RBBP8NL: variants seen among roughly 807,000 people sequenced by gnomAD.
The protein encoded by RBBP8NL is RBBP8 N-terminal-like protein.
A neutral mutation model predicts 62.2 loss-of-function variants in RBBP8NL; 59 were observed. That is an observed-to-expected ratio of 0.95 (90% CI 0.77 to 1.18). The LOEUF (loss-of-function observed/expected upper bound fraction) is 1.18. Among genes scored for constraint, RBBP8NL ranks in the 50% most tolerant of loss-of-function variants. The probability of loss-of-function intolerance (pLI) is 0.00; values close to 1 mark genes in which losing one functional copy is unlikely to be tolerated. For synonymous variants in RBBP8NL, 412 were observed against 394.1 expected (o/e 1.05, Z -0.54); for missense variants, 896 against 899.5 (o/e 1.00, Z 0.05).
intron 5 of RBBP8NL, 44 bp from the exon 6 acceptor site, chr20:62,416,280 G>GC: frequency 1.7e-6 from 1 of 602,860 alleles, no homozygotes; most frequent in South Asian, 1.5e-5. Context: ...GGTTGGGGGG[G>GC]ACAGGGGCAG....
Position 62,417,243 on chromosome 20 carries a change from G to A in RBBP8NL, c.181C>T (p.Leu61=). The A allele has an allele frequency of 6.2e-7, 1 of 1,605,218 alleles. No individual in the cohort carries two copies. Among genetic ancestry groups the A allele is most frequent in the Admixed American group, 1.7e-5 (1 of 58,932 alleles). The change falls in exon 4 of 14, where the codon CTG becomes TTG. Residue 61 remains leucine (L), a synonymous_variant. Transcript: ENST00000252998. ...GCCCACCTGTTCTCCAGCACCCGCA[G>A]GTTCTCCTTCAGTGTCTTCTGCTGT... ...REQQKTLKEN[L]RVLENRLRAG...
At chr20:62,412,588 G>A (rs769639711) in intron 13 of RBBP8NL, 36 bp downstream of exon 13, 32 of 1,592,986 alleles carry the variant, frequency 2.0e-5, no homozygotes, top group South Asian at 4.4e-5. Context: ...GGCTCCCCTC[G>A]CCCCCTTCCC....
chr20:62,416,294 T>TGGGGGGGGGGGGGGGGGGGGGGGG, intron 5 of RBBP8NL, 58 bp from the exon 6 acceptor site: 2 of 515,302 alleles, frequency 3.9e-6, no homozygotes, highest in East Asian at 4.7e-5. Flanking sequence ...GGGGCAGGGG[T>TGGGGGGGGGGGGGGGGGGGGGGGG]GGGGTCGTCA....
chr20:62,417,053 T>C (rs1213932188), intron 4 of RBBP8NL, among the ~76,000 whole-genome samples, 171 bp downstream of exon 4: 1 of 152,084 alleles, frequency 6.6e-6, no homozygotes, highest in East Asian at 1.9e-4. Context: ...TGGGGAGAAA[T>C]CTTGAAAATG....
chr20:62,417,011 C>G lies in RBBP8NL; in HGVS notation c.201-139G>C, dbSNP rs942131024. On this transcript the variant is annotated intron_variant, in intron 4 of 13. Transcript: ENST00000252998. ...TAGAGCCCCAGGCCTCTTCCCACCC[C>G]GTGGGCTAGGTGTCCCATGTTCCAC... is the stretch of plus-strand genomic sequence containing the variant. The G allele has an allele frequency of 6.6e-6, 5 of 755,540 alleles. No homozygotes were observed. In the African/African-American group the frequency reaches 8.8e-5, roughly 13 times the overall value. 46.8% of individuals were successfully genotyped at this position (755,540 alleles called of 1,614,324 possible).
intron 1 of RBBP8NL, among the ~76,000 whole-genome samples, chr20:62,427,017 C>CTGTG (rs1336746909): frequency 2.0e-5 from 3 of 152,234 alleles, no homozygotes; most frequent in African/African-American, 7.2e-5. Flanking sequence ...GCAGAGGAGT[C>CTGTG]CCCTGCTCAG....
Position 62,414,460 on chromosome 20 carries a change from G to T in RBBP8NL, c.891C>A (p.Ser297=). 6.7e-7 allele frequency: 1 copy of T among 1,490,488 alleles called. No individual in the cohort carries two copies. The highest frequency in any genetic ancestry group is 9.0e-7 in the Non-Finnish European group (1 of 1,116,602). The allele number at this position is 1,490,488 out of a possible 1,614,324, so 92.3% of individuals were successfully genotyped here. ...TGCTGTGGGGGCTCTGAAGGTGCAGGGACAGGGGGCGGTTTAGGAGGCAGA... is the reference window on the plus strand; with the variant it reads ...TGCTGTGGGGGCTCTGAAGGTGCAGTGACAGGGGGCGGTTTAGGAGGCAGA... ...DRLCLLNRPL[S]LHLQSPHSSP... is the part of the protein sequence containing the mutation. The change falls in exon 10 of 14, where the codon TCC becomes TCA. Residue 297 remains serine, a synonymous_variant. Coordinates refer to ENST00000252998, the MANE Select transcript of RBBP8NL (RefSeq NM_080833.3).
chr20:62,417,169 C>G (rs922484128), intron 4 of RBBP8NL, 55 bp downstream of exon 4: 15 of 1,378,752 alleles, frequency 1.1e-5, no homozygotes, highest in Non-Finnish European at 1.4e-5. Context: ...GTCACCTCCT[C>G]CTCTCCTGAG....
chr20:62,416,293 G>GGGC, intron 5 of RBBP8NL, 57 bp from the exon 6 acceptor site: 14 of 701,018 alleles, frequency 2.0e-5, no homozygotes, highest in East Asian at 3.0e-5. Context: ...AGGGGCAGGG[G>GGGC]TGGGGTCGTC....
At chr20:62,416,382 C>G (rs1317878861) in intron 5 of RBBP8NL, 146 bp from the exon 6 acceptor site, 9 of 720,794 alleles carry the variant, frequency 1.2e-5, no homozygotes, top group Middle Eastern at 3.7e-4. Context: ...GCCGTGGATG[C>G]TGGCTGCGTG....
At chr20:62,412,783 G>A (rs763033578) in intron 12 of RBBP8NL, 30 bp from the exon 13 acceptor site, 11 of 1,613,068 alleles carry the variant, frequency 6.8e-6, no homozygotes, top group African/African-American at 1.3e-5. Flanking sequence ...GTCACGAGGA[G>A]GACTGCCTCC....
chr20:62,419,534 G>C (rs1251689586), intron 2 of RBBP8NL, 53 bp downstream of exon 2: 2 of 1,578,384 alleles, frequency 1.3e-6, no homozygotes, highest in African/African-American at 2.7e-5. Flanking sequence ...CGACCCTTAG[G>C]TGAGGGCTGT....
chr20:62,418,496 A>T, intron 2 of RBBP8NL, 31 bp from the exon 3 acceptor site: 1 of 1,539,102 alleles, frequency 6.5e-7, no homozygotes, highest in Non-Finnish European at 8.8e-7. Context: ...GCGGGGGGTC[A>T]GGCCCAGCTG....
chr20:62,425,171 G>A (rs1988779866), intron 1 of RBBP8NL, among the ~76,000 whole-genome samples: 1 of 152,186 alleles, frequency 6.6e-6, no homozygotes, highest in Admixed American at 6.5e-5. Flanking sequence ...GTAGACAGGA[G>A]CGCTCAGTGA....
Position 62,410,725 on chromosome 20 carries a change from C to T in RBBP8NL, c.*153G>A. The T allele has an allele frequency of 1.5e-6, 1 of 665,872 alleles. No individual in the cohort carries two copies. The highest frequency in any genetic ancestry group is 2.7e-6 in the Non-Finnish European group (1 of 375,774). The allele number at this position is 665,872 out of a possible 1,614,324, so 41.2% of individuals were successfully genotyped here. On this transcript the variant is annotated 3_prime_UTR_variant, in exon 14 of 14. Coordinates refer to ENST00000252998, the MANE Select transcript of RBBP8NL (RefSeq NM_080833.3). ...TGTGGTGAGCAGGCAGAGAGCTGCC[C>T]TGGGCTCACTGTGGGTTCAGCTGAG... is the stretch of plus-strand genomic sequence containing the variant.
intron 13 of RBBP8NL, among the ~76,000 whole-genome samples, chr20:62,412,355 G>GC (rs1363836716): frequency 2.0e-5 from 3 of 152,172 alleles, no homozygotes; most frequent in Non-Finnish European, 4.4e-5. Flanking sequence ...CCTAATGTCA[G>GC]CCCCCTTACA....
chr20:62,414,120 G>T lies in RBBP8NL; in HGVS notation c.1231C>A (p.Leu411Met), dbSNP rs1474302596. 2 of 1,595,634 alleles carry T rather than the reference G, an allele frequency of 1.3e-6. No homozygotes were observed. Among genetic ancestry groups the T allele is most frequent in the Non-Finnish European group, 1.7e-6 (2 of 1,173,206 alleles). Residue 411 changes from leucine (L) to methionine (M), a missense_variant, in exon 10 of 14, where the codon CTG becomes ATG. Coordinates refer to ENST00000252998, the MANE Select transcript of RBBP8NL (RefSeq NM_080833.3). Reference protein sequence around the residue: ...GTRAALAAAGLSGGRHTQPAG... With the variant: ...GTRAALAAAGMSGGRHTQPAG... ...GGCTGTGTGTGCCGCCCTCCAGACAGGCCTGCTGCGGCCAGAGCTGCCCTG... is the reference window on the plus strand; with the variant it reads ...GGCTGTGTGTGCCGCCCTCCAGACATGCCTGCTGCGGCCAGAGCTGCCCTG...
chr20:62,423,409 G>A (rs1988746674), intron 1 of RBBP8NL, among the ~76,000 whole-genome samples: 1 of 152,112 alleles, frequency 6.6e-6, no homozygotes, highest in South Asian at 2.1e-4. Flanking sequence ...CCTGGCCAAG[G>A]GGGCCCCTGG....
Position 62,413,975 on chromosome 20 carries a change from G to T in RBBP8NL, c.1376C>A (p.Ala459Asp). ...AGGGCTGAGTGACCCATGCTGGCCGGCCGGCTTGGGAGTGTCCTGGCCCCG... is the reference window on the plus strand; with the variant it reads ...AGGGCTGAGTGACCCATGCTGGCCGTCCGGCTTGGGAGTGTCCTGGCCCCG... ...RARGQDTPKP[A>D]GQHGSLSPAA... The change falls in exon 10 of 14, where the codon GCC (alanine) becomes GAC (aspartate). Residue 459 changes from alanine (A) to aspartate (D), a missense_variant. Ala to Asp is a moderately radical substitution (Grantham distance 126, BLOSUM62 -2). Coordinates refer to ENST00000252998, the MANE Select transcript of RBBP8NL (RefSeq NM_080833.3). The T allele has an allele frequency of 6.4e-7, 1 of 1,570,884 alleles. No individual in the cohort carries two copies. Among genetic ancestry groups the T allele is most frequent in the Non-Finnish European group, 8.6e-7 (1 of 1,159,672 alleles).
Sources: allele counts gnomAD v4.1 joint callset (sites outside exome capture counted in the v4.1 genomes callset), GRCh38; gene constraint gnomAD v4.1.1; transcripts MANE v1.5; gene names NCBI Gene and HGNC (gene_info 2026-07-23, HGNC 2026-07-21).